Variants in TKTL1 observed in about 807,000 individuals in gnomAD.
TKTL1 encodes the protein transketolase like 1.
TKTL1 carries 1 observed loss-of-function variant against 39.3 expected under a neutral mutation model. The observed-to-expected ratio is 0.03, with a 90% CI of 0.01 to 0.12. TKTL1 has a LOEUF of 0.12. Ranked by LOEUF, TKTL1 falls within the 10% of genes least tolerant of loss-of-function variation. The probability of loss-of-function intolerance (pLI) is 1.00; values close to 1 mark genes in which losing one functional copy is unlikely to be tolerated. For missense variants in TKTL1, 575 were observed against 509.6 expected (o/e 1.13, Z -1.24); for synonymous variants, 262 against 193.8 (o/e 1.35, Z -2.92).
intron 10 of TKTL1, among the ~76,000 whole-genome samples, chrX:154,326,634 T>G (rs1256838459): frequency 8.9e-6 from 1 of 112,686 alleles, no homozygotes; most frequent in Non-Finnish European, 1.9e-5. Context: ...ATGGAAAAGT[T>G]AGTGTTCACC....
chrX:154,301,060 C>T (rs1014893385), intron 1 of TKTL1, among the ~76,000 whole-genome samples: 1 of 110,826 alleles, frequency 9.0e-6, no homozygotes, highest in Admixed American at 9.6e-5. Flanking sequence ...TCCTCTTCTC[C>T]AATTTGGATG....
intron 3 of TKTL1, among the ~76,000 whole-genome samples, chrX:154,310,472 A>G (rs985187493): frequency 5.3e-5 from 6 of 112,572 alleles, no homozygotes; most frequent in Non-Finnish European, 9.4e-5. Context: ...AATGCTTTAA[A>G]AGGGAACTTA....
chrX:154,317,759 G>A (rs1476658399), intron 7 of TKTL1, among the ~76,000 whole-genome samples: 2 of 112,265 alleles, frequency 1.8e-5, no homozygotes, highest in Admixed American at 1.9e-4. Context: ...CCAGCAGGAT[G>A]CCAACGGCAG....
chrX:154,303,737 G>A (rs2067293803), intron 1 of TKTL1, among the ~76,000 whole-genome samples: 1 of 108,013 alleles, frequency 9.3e-6, no homozygotes, highest in Non-Finnish European at 1.9e-5. Flanking sequence ...TTCACCATGG[G>A]AGAGCAGAAA....
chrX:154,310,720 G>A (rs1360003320), intron 3 of TKTL1, 116 bp from the exon 4 acceptor site: 1 of 619,928 alleles, frequency 1.6e-6, no homozygotes, highest in Non-Finnish European at 2.5e-6. Flanking sequence ...ATTGTGGGAA[G>A]CGAATGGTCT....
rs1569550830 is a variant in TKTL1 at position 154,305,087 on chromosome X, G to A, written c.135-217G>A. The A allele has an allele frequency of 2.6e-6, 3 of 1,142,742 alleles. No individual in the cohort carries two copies. In the East Asian group the frequency reaches 1.0e-4, roughly 40 times the overall value. 94.2% of individuals were successfully genotyped at this position (1,142,742 alleles called of 1,213,427 possible). A position where few individuals can be genotyped will look rare whatever the true frequency, so the allele number is the denominator to read the frequency against. On this transcript the variant is annotated intron_variant, in intron 1 of 12. Coordinates refer to ENST00000369915, the MANE Select transcript of TKTL1 (RefSeq NM_012253.4). ...TGCCCCGAGTCCACGGTGCTCTGCG[G>A]TTAGGAGCTGGCCTCACTGTGCACA... is the stretch of plus-strand genomic sequence containing the variant.
intron 7 of TKTL1, among the ~76,000 whole-genome samples, chrX:154,317,411 C>T (rs1260671745): frequency 1.8e-5 from 2 of 111,597 alleles, no homozygotes; most frequent in Non-Finnish European, 3.8e-5. Flanking sequence ...AAGCAAGGGG[C>T]ATGGCCAACT....
Position 154,323,147 on chromosome X carries a change from T to G in TKTL1, c.1187-60T>G. ...TTGCTTCTTCAGAGCTAGAAGTGGG[T>G]GGAGGGCAGGTTCCTAATGGGGTTA... is the stretch of plus-strand genomic sequence containing the variant. On this transcript the variant is annotated intron_variant, in intron 8 of 12. Coordinates refer to ENST00000369915, the MANE Select transcript of TKTL1 (RefSeq NM_012253.4). 4 of 1,179,585 alleles carry G rather than the reference T, an allele frequency of 3.4e-6. No homozygotes were observed. The South Asian group carries it at 7.6e-5, about 22-fold the overall frequency.
intron 2 of TKTL1, among the ~76,000 whole-genome samples, chrX:154,305,878 G>A (rs2067311218): frequency 9.0e-6 from 1 of 111,379 alleles, no homozygotes; most frequent in African/African-American, 3.3e-5. Context: ...TCATGAGATT[G>A]GGCAAAATAC....
intron 3 of TKTL1, among the ~76,000 whole-genome samples, chrX:154,309,723 T>C (rs782517043): frequency 1.1e-4 from 12 of 111,364 alleles, no homozygotes; most frequent in African/African-American, 2.0e-4. Context: ...TCCAGCACTT[T>C]AGTGGGGTCT....
rs377333675 is a variant in TKTL1 at position 154,315,211 on chromosome X, G to A, written c.903G>A (p.Lys301=). ...AAGCATGCGGTCTGGCTCTGGCTAA[G>A]CTGGGCTACGCGAACAACAGAGTCG... is the stretch of plus-strand genomic sequence containing the variant. ...TRKACGLALA[K]LGYANNRVVV... The change falls in exon 7 of 13, where the codon AAG becomes AAA. Residue 301 remains lysine, a synonymous_variant. Coordinates refer to ENST00000369915, the MANE Select transcript of TKTL1 (RefSeq NM_012253.4). 8.3e-7 allele frequency: 1 copy of A among 1,211,612 alleles called. No homozygotes were observed. The highest frequency in any genetic ancestry group is 1.1e-6 in the Non-Finnish European group (1 of 895,410).
chrX:154,322,360 C>T (rs1557171074), intron 8 of TKTL1, among the ~76,000 whole-genome samples: 1 of 109,551 alleles, frequency 9.1e-6, no homozygotes, highest in Non-Finnish European at 1.9e-5. Context: ...GGTGAAACCC[C>T]ATCTCTACTA....
At chrX:154,305,181 C>T (rs1474513788) in intron 1 of TKTL1, 123 bp from the exon 2 acceptor site, 5 of 1,175,820 alleles carry the variant, frequency 4.3e-6, no homozygotes, top group Non-Finnish European at 5.7e-6. Flanking sequence ...CATTCCTTAC[C>T]CTTGGTTGGA....
At chrX:154,312,819 C>G in intron 6 of TKTL1, 46 bp downstream of exon 6, 1 of 1,106,074 alleles carries the variant, frequency 9.0e-7, no homozygotes, top group African/African-American at 1.8e-5. Flanking sequence ...ACGTCAACTG[C>G]TTTGTTCTCT....
At chrX:154,328,610 C>T (rs2067512799) in intron 12 of TKTL1, among the ~76,000 whole-genome samples, 1 of 89,141 alleles carries the variant, frequency 1.1e-5, no homozygotes, top group South Asian at 6.1e-4. Flanking sequence ...CCGACGAAAG[C>T]AGGTATAGCA....
chrX:154,327,862 C>T lies in TKTL1; in HGVS notation c.1522C>T (p.Leu508=), dbSNP rs781951140. The change falls in exon 12 of 13, where the codon CTG becomes TTG. Residue 508 remains leucine, a synonymous_variant. Coordinates refer to ENST00000369915, the MANE Select transcript of TKTL1 (RefSeq NM_012253.4). ...AGATATTTTTATCCGTGTCATCGAC[C>T]TGTTTACCATTAAACCTCTGGATGT... ...KQDIFIRVID[L]FTIKPLDVAT... is the part of the protein sequence containing the mutation. The T allele has an allele frequency of 3.7e-5, 45 of 1,210,141 alleles. No individual in the cohort carries two copies. Among genetic ancestry groups the T allele is most frequent in the Non-Finnish European group, 4.9e-5 (44 of 895,227 alleles).
chrX:154,298,898 T>C (rs1046068683), intron 1 of TKTL1, among the ~76,000 whole-genome samples: 6 of 109,771 alleles, frequency 5.5e-5, no homozygotes, highest in African/African-American at 2.0e-4. Context: ...AGGCTAGAGA[T>C]GGGGTTTCTC....
chrX:154,296,606 A>G (rs2067230906), intron 1 of TKTL1, among the ~76,000 whole-genome samples: 2 of 111,513 alleles, frequency 1.8e-5, no homozygotes, highest in Non-Finnish European at 3.8e-5. Context: ...TATGCAGTTG[A>G]TGGTTTTTGC....
chrX:154,296,038 C>A, intron 1 of TKTL1, 45 bp downstream of exon 1: 5 of 1,196,201 alleles, frequency 4.2e-6, no homozygotes, highest in Admixed American at 2.2e-5. Flanking sequence ...GGCCACGGGC[C>A]CGGTGGCTTC....
Sources: gnomAD v4.1 joint callset for allele counts (sites outside exome capture counted in the v4.1 genomes callset) on GRCh38, gnomAD v4.1.1 for gene constraint, MANE v1.5 for transcripts, NCBI Gene and HGNC (gene_info 2026-07-23, HGNC 2026-07-21) for gene names.